The following GON4L variants were observed in gnomAD, a reference collection of about 807,000 sequenced individuals.
GON4L encodes gon-4 like, also known as GON-4-like protein.
Under a neutral mutation model 211.8 loss-of-function variants are expected in GON4L, and 87 were observed. The ratio of observed to expected loss-of-function variants is 0.41; its 90% confidence interval spans 0.35 to 0.49. The LOEUF is 0.49. Ranked by LOEUF, GON4L falls within the 20% of genes least tolerant of loss-of-function variation. The pLI is 0.15. For missense variants in GON4L, 2,155 were observed against 2,659.5 expected (o/e 0.81, Z 4.17); for synonymous variants, 875 against 962.6 (o/e 0.91, Z 1.68).
chr1:155,766,422 G>A lies in GON4L; in HGVS notation c.3051C>T (p.Asn1017=), dbSNP rs1203232329. ...QPSPSLQPSF[N]PGKTPARSTH... ...TTGATCGGGCTGGTGTTTTCCCAGG[G>A]TTGAAGCTGGGCTGGAGAGAGGGGC... The change falls in exon 21 of 32, where the codon AAC becomes AAT. Residue 1017 remains asparagine, a synonymous_variant. Transcript: ENST00000368331. The A allele has an allele frequency of 6.2e-7, 1 of 1,614,022 alleles. No homozygotes were observed. The highest frequency in any genetic ancestry group is 8.5e-7 in the Non-Finnish European group (1 of 1,180,036).
At chr1:155,761,273 T>C (rs1661772648) in intron 23 of GON4L, among the ~76,000 whole-genome samples, 1 of 143,502 alleles carries the variant, frequency 7.0e-6, no homozygotes, top group Non-Finnish European at 1.5e-5. Flanking sequence ...CTCAACCACC[T>C]GGGCCCAAGT....
At chr1:155,837,184 GT>G (rs1670386999) in intron 2 of GON4L, among the ~76,000 whole-genome samples, 1 of 151,714 alleles carries the variant, frequency 6.6e-6, no homozygotes, top group Non-Finnish European at 1.5e-5. Flanking sequence ...GTCTCTTCCT[GT>G]CTTTCTTTCT....
chr1:155,845,881 T>G, intron 2 of GON4L: 1 of 238,442 alleles, frequency 4.2e-6, no homozygotes, highest in Non-Finnish European at 8.6e-6. Context: ...AAATTGGAGT[T>G]AAACACTTGT....
In GON4L at chr1:155,791,910, AAC is replaced by A. The variant is rs1557867403; in HGVS notation, c.1747+3138_1747+3139del. On this transcript the variant is annotated intron_variant, in intron 12 of 31. Coordinates refer to ENST00000368331, the MANE Select transcript of GON4L (RefSeq NM_001282860.2). ...AACATAACATAACATAACATAACATAACATAACATAACATCACATAACATAAC... is the reference window on the plus strand; with the variant it reads ...AACATAACATAACATAACATAACATAATAACATAACATCACATAACATAAC... Among the ~76,000 whole-genome samples the A allele has an allele frequency of 5.0e-3, 620 of 124,182 alleles. 8 individuals are homozygous for A. Among genetic ancestry groups the A allele is most frequent in the African/African-American group, 0.02 (569 of 28,780 alleles). The allele number at this position is 124,182 out of a possible 152,430, so 81.5% of individuals were successfully genotyped here. A position where few individuals can be genotyped will look rare whatever the true frequency, so the allele number is the denominator to read the frequency against.
chr1:155,829,344 A>G (rs1388013162), intron 2 of GON4L, among the ~76,000 whole-genome samples: 9 of 152,100 alleles, frequency 5.9e-5, no homozygotes, highest in African/African-American at 2.2e-4. Context: ...GGTGGTTCAC[A>G]CCTGTAGTCC....
intron 10 of GON4L, among the ~76,000 whole-genome samples, chr1:155,811,787 G>A (rs1388871092): frequency 7.8e-6 from 1 of 128,994 alleles, no homozygotes; most frequent in African/African-American, 2.9e-5. Flanking sequence ...AAAGAAGGCT[G>A]GGCGCGGTGG....
At chr1:155,824,760 C>G (rs1365360594) in intron 3 of GON4L, among the ~76,000 whole-genome samples, 2 of 103,558 alleles carry the variant, frequency 1.9e-5, no homozygotes, top group African/African-American at 4.1e-5. Flanking sequence ...AAGACTCTGT[C>G]GCAAAAAAAA....
At chr1:155,754,593 G>C (rs958450866) in intron 27 of GON4L, 105 bp from the exon 28 acceptor site, 2 of 673,964 alleles carry the variant, frequency 3.0e-6, no homozygotes, top group Non-Finnish European at 5.0e-6. Flanking sequence ...GCAGTGGCAC[G>C]ATGTCAGCTC....
At chr1:155,748,071 G>A, downstream of GON4L, 1 of 1,608,088 alleles carries the variant, frequency 6.2e-7, no homozygotes, top group Non-Finnish European at 8.5e-7. Context: ...GTCCTTGGGT[G>A]GGAGCCTGGG....
intron 24 of GON4L, among the ~76,000 whole-genome samples, chr1:155,759,174 T>A (rs768342769): frequency 6.6e-6 from 1 of 151,990 alleles, no homozygotes. Flanking sequence ...TTAATTTTTT[T>A]ATTTTATGTA....
intron 11 of GON4L, among the ~76,000 whole-genome samples, chr1:155,804,017 T>A (rs1666921209): frequency 6.6e-6 from 1 of 152,176 alleles, no homozygotes; most frequent in South Asian, 2.1e-4. Context: ...TTCTTTCACT[T>A]GCATCATGAA....
intron 2 of GON4L, among the ~76,000 whole-genome samples, chr1:155,838,403 T>C (rs1670497796): frequency 6.6e-6 from 1 of 152,248 alleles, no homozygotes; most frequent in South Asian, 2.1e-4. Context: ...TTAAGATTCT[T>C]ACTTAGGGGT....
At position 155,753,253 on chromosome 1, in the gene GON4L, G is replaced by A. The variant is rs1660808338; in HGVS notation, c.5793C>T (p.Thr1931=). 1 of 1,606,936 alleles carries A rather than the reference G, an allele frequency of 6.2e-7. No homozygotes were observed. The highest frequency in any genetic ancestry group is 1.4e-5 in the African/African-American group (1 of 73,854). The part of the protein sequence containing the change: ...APEERESTEA[T]QSRTVRTTRK... ...TGGTGGTCCTGACAGTCCTGCTCTG[G>A]GTGGCCTCAGTGCTCTCCCGCTCCT... Residue 1931 remains threonine, a synonymous_variant, in exon 29 of 32, where the codon ACC becomes ACT. Transcript: ENST00000368331.
In GON4L at chr1:155,822,314, G is replaced by A. The variant is rs768602282; in HGVS notation, c.860C>T (p.Thr287Ile). The A allele has an allele frequency of 6.2e-7, 1 of 1,614,084 alleles. No individual in the cohort carries two copies. Among genetic ancestry groups the A allele is most frequent in the Non-Finnish European group, 8.5e-7 (1 of 1,179,936 alleles). Reference protein sequence around the residue: ...LEDGAKQHNLTAVNVRNILHE... With the variant: ...LEDGAKQHNLIAVNVRNILHE... ...AAGGATGTTTCGGACATTGACTGCTGTTAGATTGTGCTGCTTGGCACCATC... is the reference window on the plus strand; with the variant it reads ...AAGGATGTTTCGGACATTGACTGCTATTAGATTGTGCTGCTTGGCACCATC... The change falls in exon 4 of 32, where the codon ACA (threonine) becomes ATA (isoleucine). Residue 287 changes from threonine (T) to isoleucine (I), a missense_variant. This residue lies in a region of GON4L where 551 missense variants were observed against 854.0 expected (regional missense o/e 0.65). Transcript: ENST00000368331.
At chr1:155,801,988 C>T (rs148338318) in intron 11 of GON4L, among the ~76,000 whole-genome samples, 1 of 152,248 alleles carries the variant, frequency 6.6e-6, no homozygotes, top group African/African-American at 2.4e-5. Flanking sequence ...ACTGGGATTA[C>T]AGGCATGAGC....
chr1:155,828,154 TCA>T (rs55858311), intron 2 of GON4L, among the ~76,000 whole-genome samples: 5 of 147,328 alleles, frequency 3.4e-5, no homozygotes, highest in Admixed American at 1.4e-4. Flanking sequence ...CAAGACACTG[TCA>T]CACACACACA....
intron 19 of GON4L, among the ~76,000 whole-genome samples, chr1:155,769,946 T>A (rs1045766217): frequency 7.3e-6 from 1 of 137,176 alleles, no homozygotes; most frequent in African/African-American, 2.8e-5. Context: ...GAAGTAGCAA[T>A]TAGAGGCTGA....
intron 12 of GON4L, 24 bp downstream of exon 12, chr1:155,795,026 G>T: frequency 1.6e-6 from 2 of 1,280,432 alleles, no homozygotes; most frequent in South Asian, 1.2e-5. Flanking sequence ...TCAAGAGCAG[G>T]ACTTAGAATA....
chr1:155,846,052 G>C (rs1671203710), intron 2 of GON4L: 1 of 215,324 alleles, frequency 4.6e-6, no homozygotes, highest in Non-Finnish European at 1.0e-5. Flanking sequence ...TCATCTATCA[G>C]CTGCAGGTCT....
Sources: allele counts gnomAD v4.1 joint callset (sites outside exome capture counted in the v4.1 genomes callset), GRCh38; gene constraint gnomAD v4.1.1; regional missense constraint gnomAD v4.1.1; transcripts MANE v1.5; gene names NCBI Gene and HGNC (gene_info 2026-07-23, HGNC 2026-07-21).